SHLD3: variants seen among roughly 807,000 people sequenced by gnomAD.
The protein encoded by SHLD3 is shieldin complex subunit 3.
In SHLD3, 15 loss-of-function variants were observed where a neutral mutation model predicts 21.4. That is an observed-to-expected ratio of 0.70 (90% CI 0.47 to 1.08). The LOEUF (loss-of-function observed/expected upper bound fraction) is 1.08, where lower values mean the gene tolerates loss of function less well. Among genes scored for constraint, SHLD3 ranks in the 50% least tolerant of loss-of-function variants. The pLI is 0.00. For missense variants in SHLD3, 273 were observed against 286.1 expected (o/e 0.95, Z 0.33); for synonymous variants, 103 against 97.2 (o/e 1.06, Z -0.35).
chr5:65,630,017 A>G lies in SHLD3; in HGVS notation c.430A>G (p.Asn144Asp). The change falls in exon 2 of 2, where the codon AAC becomes GAC. Residue 144 changes from asparagine (N) to aspartate (D), a missense_variant. Physicochemically the swap from Asn to Asp is conservative, Grantham distance 23 (BLOSUM62 1). Transcript: ENST00000510585. ...CCTTCCCAGCAATAATTGTACTAAA[A>G]ACGTTTCTCCTTTGTCTAAAAAATT... ...ISLPSNNCTK[N>D]VSPLSKKLQD... is the part of the protein sequence containing the mutation. 1 of 1,535,986 alleles carries G rather than the reference A, an allele frequency of 6.5e-7. No individual in the cohort carries two copies. The highest frequency in any genetic ancestry group is 8.7e-7 in the Non-Finnish European group (1 of 1,146,842).
chr5:65,625,390 A>G, intron 1 of SHLD3: 1 of 412,642 alleles, frequency 2.4e-6, no homozygotes, highest in Admixed American at 4.3e-5. Context: ...CCTACCGTGG[A>G]GATCTCTGTG....
chr5:65,626,302 C>G (rs532070138), intron 1 of SHLD3: 2 of 152,348 alleles, frequency 1.3e-5, no homozygotes, highest in African/African-American at 2.4e-5. Context: ...AGGCCTGCCT[C>G]TCTTTCCAAG....
In SHLD3 at chr5:65,625,203, C is replaced by T. The variant is rs1412541967; in HGVS notation, c.-121+97C>T. The T allele has an allele frequency of 2.0e-5, 20 of 1,020,858 alleles. No homozygotes were observed. The Admixed American group carries it at 2.1e-4, about 11-fold the overall frequency. 63.2% of individuals were successfully genotyped at this position (1,020,858 alleles called of 1,614,324 possible). ...GTAGGCCTCATCCTTCTTAAACACT[C>T]AGTGCTCGCCCTCCTGCTCTGTCCT... On this transcript the variant is annotated intron_variant, in intron 1 of 1. Transcript: ENST00000510585.
intron 1 of SHLD3, 139 bp downstream of exon 1, chr5:65,625,245 G>C (rs1345681906): frequency 1.4e-6 from 1 of 735,720 alleles, no homozygotes; most frequent in Non-Finnish European, 2.4e-6. Flanking sequence ...CCAAGCGGGA[G>C]GAAGCGATTT....
chr5:65,629,240 A>G (rs1755410491), intron 1 of SHLD3, among the ~76,000 whole-genome samples: 1 of 152,180 alleles, frequency 6.6e-6, no homozygotes, highest in Non-Finnish European at 1.5e-5. Context: ...GTTGACTACT[A>G]GCGTTTTTAG....
intron 1 of SHLD3, chr5:65,625,517 T>A (rs1755173040): frequency 5.2e-6 from 1 of 191,344 alleles, no homozygotes; most frequent in Admixed American, 5.9e-5. Flanking sequence ...ATGACAGTAG[T>A]GCAGAGAATT....
intron 1 of SHLD3, 158 bp downstream of exon 1, chr5:65,625,264 T>C: frequency 1.5e-6 from 1 of 661,158 alleles, no homozygotes; most frequent in Non-Finnish European, 2.7e-6. Context: ...TTCTCCTGGA[T>C]GCTTTTTAGG....
intron 1 of SHLD3, among the ~76,000 whole-genome samples, chr5:65,628,313 A>G (rs1333508822): frequency 6.6e-6 from 1 of 152,192 alleles, no homozygotes; most frequent in African/African-American, 2.4e-5. Context: ...GATTATGAGG[A>G]GAAGACAGTG....
Position 65,629,940 on chromosome 5 carries a change from GTAAACAA to G in SHLD3, c.355_361del (p.Lys119GlnfsTer36). ...GAACAGACTAATTCTGGAAATCTGG[GTAAACAA>G]TCAGAAAAGGGAAAACAGCACAAGA... On this transcript the variant is annotated frameshift_variant, in exon 2 of 2. Transcript: ENST00000510585. LOFTEE classifies it high-confidence loss of function. 6.5e-7 allele frequency: 1 copy of G among 1,536,026 alleles called. No homozygotes were observed. Among genetic ancestry groups the G allele is most frequent in the Non-Finnish European group, 8.7e-7 (1 of 1,146,872 alleles).
Position 65,629,497 on chromosome 5 carries a change from G to A in SHLD3, c.-91G>A, listed in dbSNP as rs1311187197. 3 of 1,434,686 alleles carry A rather than the reference G, an allele frequency of 2.1e-6. No homozygotes were observed. The African/African-American group carries it at 4.3e-5, about 21-fold the overall frequency. 88.9% of individuals were successfully genotyped at this position (1,434,686 alleles called of 1,614,324 possible). ...TGTTTCCCTCTGATTTGGCAAGAGA[G>A]ACAATCTTGCAATAATAAATTAACA... is the stretch of plus-strand genomic sequence containing the variant. On this transcript the variant is annotated 5_prime_UTR_variant, in exon 2 of 2. Transcript: ENST00000510585.
intron 1 of SHLD3, among the ~76,000 whole-genome samples, chr5:65,627,710 T>C (rs1054911397): frequency 6.6e-6 from 1 of 151,830 alleles, no homozygotes; most frequent in Admixed American, 6.6e-5. Flanking sequence ...TATTTTACAA[T>C]GTGAAAGTAT....
rs529146103 is a variant in SHLD3 at position 65,630,020 on chromosome 5, G to A, written c.433G>A (p.Val145Ile). ...TCCCAGCAATAATTGTACTAAAAAC[G>A]TTTCTCCTTTGTCTAAAAAATTGCA... ...SLPSNNCTKN[V>I]SPLSKKLQDS... Residue 145 changes from valine to isoleucine, a missense_variant, in exon 2 of 2, where the codon GTT becomes ATT. Transcript: ENST00000510585. 1.2e-4 allele frequency: 178 copies of A among 1,535,868 alleles called. No homozygotes were observed. The African/African-American group carries it at 2.0e-3, about 17-fold the overall frequency.
At chr5:65,627,000 T>G (rs1755265638) in intron 1 of SHLD3, among the ~76,000 whole-genome samples, 1 of 149,444 alleles carries the variant, frequency 6.7e-6, no homozygotes, top group African/African-American at 2.5e-5. Flanking sequence ...ATTAGCCAGG[T>G]GTGGTGGTGT....
intron 1 of SHLD3, among the ~76,000 whole-genome samples, chr5:65,627,491 G>A (rs890480179): frequency 3.3e-5 from 5 of 152,032 alleles, no homozygotes; most frequent in Admixed American, 6.6e-5. Context: ...TTAGCCAGGC[G>A]TGATGGTGTG....
In SHLD3 at chr5:65,625,112, C is replaced by G. The variant is rs754622168; in HGVS notation, c.-121+6C>G. On this transcript the variant is annotated splice_donor_region_variant and intron_variant, in intron 1 of 1. Transcript: ENST00000510585. ...GCACCTGCTGGCGCTAAAAGGTAAACTTTTGCGAACCTGATTCCCCCTTTT... is the reference window on the plus strand; with the variant it reads ...GCACCTGCTGGCGCTAAAAGGTAAAGTTTTGCGAACCTGATTCCCCCTTTT... 1.2e-6 allele frequency: 2 copies of G among 1,612,236 alleles called. No individual in the cohort carries two copies. Among genetic ancestry groups the G allele is most frequent in the South Asian group, 1.1e-5 (1 of 91,050 alleles).
At position 65,630,171 on chromosome 5, in the gene SHLD3, A is replaced by G; in HGVS notation, c.584A>G (p.Asn195Ser). Residue 195 changes from asparagine to serine, a missense_variant, in exon 2 of 2, where the codon AAT (asparagine) becomes AGT (serine). Asn to Ser is a conservative substitution (Grantham distance 46). Coordinates refer to ENST00000510585, the MANE Select transcript of SHLD3 (RefSeq NM_001365341.2). ...WTKLNQIIRHNELPSCNATIQ... is the reference protein window; with the variant it reads ...WTKLNQIIRHSELPSCNATIQ... The stretch of plus-strand genomic sequence containing the variant: ...AAACTCAATCAAATTATTAGGCACA[A>G]TGAACTTCCATCTTGTAATGCTACA... The G allele has an allele frequency of 6.5e-7, 1 of 1,536,030 alleles. No individual in the cohort carries two copies. Among genetic ancestry groups the G allele is most frequent in the Non-Finnish European group, 8.7e-7 (1 of 1,146,854 alleles).
Position 65,629,654 on chromosome 5 carries a change from G to C in SHLD3, c.67G>C (p.Ala23Pro). 1 of 1,535,986 alleles carries C rather than the reference G, an allele frequency of 6.5e-7. No individual in the cohort carries two copies. Among genetic ancestry groups the C allele is most frequent in the Non-Finnish European group, 8.7e-7 (1 of 1,146,854 alleles). The change falls in exon 2 of 2, where the codon GCA becomes CCA. Residue 23 changes from alanine (A) to proline (P), a missense_variant. Ala to Pro is a conservative substitution (Grantham distance 27). Transcript: ENST00000510585. Reference protein sequence around the residue: ...ESDPTQLPKIAEKAIQDFPTR... With the variant: ...ESDPTQLPKIPEKAIQDFPTR... ...TGATCCCACACAACTGCCAAAAATT[G>C]CAGAAAAAGCAATTCAAGACTTTCC... is the stretch of plus-strand genomic sequence containing the variant.
chr5:65,627,508 T>TGGTCCCAGC (rs1292266763), intron 1 of SHLD3, among the ~76,000 whole-genome samples: 1 of 152,076 alleles, frequency 6.6e-6, no homozygotes, highest in Admixed American at 6.6e-5. Flanking sequence ...TGTGCACCAG[T>TGGTCCCAGC]GGTCCCAGCT....
chr5:65,626,753 A>T (rs1438431145), intron 1 of SHLD3, among the ~76,000 whole-genome samples: 1 of 151,980 alleles, frequency 6.6e-6, no homozygotes, highest in Non-Finnish European at 1.5e-5. Context: ...AAACAAACAA[A>T]AAGTTAAATT....
Sources: gnomAD v4.1 joint callset for allele counts (sites outside exome capture counted in the v4.1 genomes callset) on GRCh38, gnomAD v4.1.1 for gene constraint, MANE v1.5 for transcripts, NCBI Gene and HGNC (gene_info 2026-07-23, HGNC 2026-07-21) for gene names.